The following RAP1GAP2 variants were observed in gnomAD, a reference collection of about 807,000 sequenced individuals.
RAP1GAP2 encodes rap1 GTPase-activating protein 2.
A neutral mutation model predicts 95.0 loss-of-function variants in RAP1GAP2; 27 were observed. The observed-to-expected ratio is 0.28, with a 90% CI of 0.21 to 0.39. RAP1GAP2 has a LOEUF of 0.39. Among genes scored for constraint, RAP1GAP2 ranks in the 10% least tolerant of loss-of-function variants. The pLI, the probability that RAP1GAP2 is intolerant of heterozygous loss-of-function variation, is 1.00. For missense variants in RAP1GAP2, 771 were observed against 970.0 expected, an observed-to-expected ratio of 0.79 and a Z score of 2.72; for synonymous variants, 373 against 380.9, an observed-to-expected ratio of 0.98 and a Z score of 0.24.
At chr17:2,891,805 A>ATTT (rs2073725149) in intron 2 of RAP1GAP2, among the ~76,000 whole-genome samples, 1 of 63,214 alleles carries the variant, frequency 1.6e-5, no homozygotes, top group South Asian at 4.5e-4. Flanking sequence ...GCAGATTCAT[A>ATTT]TTTCTTTTCT....
chr17:3,036,825 C>G lies in RAP1GAP2; in HGVS notation c.*3464C>G, dbSNP rs77400506. ...GACAAGGCAGGACAAGAGCCTGTTTCGCTTTCCTCCCTGACCCTGCCAGGT... is the reference window on the plus strand; with the variant it reads ...GACAAGGCAGGACAAGAGCCTGTTTGGCTTTCCTCCCTGACCCTGCCAGGT... On this transcript the variant is annotated 3_prime_UTR_variant, in exon 25 of 25. Transcript: ENST00000254695. The G allele has an allele frequency of 1.3e-5, 2 of 152,630 alleles. No homozygotes were observed. The highest frequency in any genetic ancestry group is 2.9e-5 in the Non-Finnish European group (2 of 68,042). 9.5% of individuals were successfully genotyped at this position (152,630 alleles called of 1,614,324 possible).
chr17:2,829,403 G>A (rs1410891945), intron 2 of RAP1GAP2, among the ~76,000 whole-genome samples: 4 of 152,018 alleles, frequency 2.6e-5, no homozygotes, highest in Non-Finnish European at 4.4e-5. Flanking sequence ...TCCATAAAGG[G>A]CTGGGGCTGG....
At position 2,995,458 on chromosome 17, in the gene RAP1GAP2, G is replaced by A. The variant is rs376964895; in HGVS notation, c.1036G>A (p.Ala346Thr). ...AAAGCTGCCATTTACCGACGGAGAC[G>A]CCCAGCAGGTAACCTGGTTTGGGAG... ...STKLPFTDGD[A>T]QQLQRKRHIG... is the part of the protein sequence containing the mutation. Residue 346 changes from alanine (A) to threonine (T), a missense_variant, in exon 13 of 25, where the codon GCC becomes ACC. By Grantham distance (58) the Ala-to-Thr change is moderately conservative (BLOSUM62 0). Transcript: ENST00000254695. The A allele has an allele frequency of 9.3e-6, 15 of 1,613,550 alleles. 1 individual carries two copies. Among genetic ancestry groups the A allele is most frequent in the South Asian group, 4.4e-5 (4 of 91,078 alleles).
chr17:2,841,013 G>A lies in RAP1GAP2; in HGVS notation c.80+40463G>A, dbSNP rs117019188. On this transcript the variant is annotated intron_variant, in intron 2 of 24. Coordinates refer to ENST00000254695, the MANE Select transcript of RAP1GAP2 (RefSeq NM_015085.5). ...ACCCTGTTTAAAAAATAAAAAGACC[G>A]GTGTGGTGGCTCACGCCTGTAATTC... Among the ~76,000 whole-genome samples the A allele has an allele frequency of 1.4e-3, 215 of 149,308 alleles. 2 individuals carry two copies. The East Asian group carries it at 0.02, about 14-fold the overall frequency.
intron 19 of RAP1GAP2, among the ~76,000 whole-genome samples, chr17:3,023,624 A>G (rs528394662): frequency 2.0e-5 from 3 of 152,174 alleles, no homozygotes; most frequent in African/African-American, 7.2e-5. Context: ...GTTTTTAAAA[A>G]TTTTTATTTT....
intron 4 of RAP1GAP2, among the ~76,000 whole-genome samples, chr17:2,958,169 G>A (rs775775785): frequency 6.6e-5 from 10 of 152,248 alleles, no homozygotes; most frequent in Middle Eastern, 3.4e-3. Context: ...GGAGGCAGAG[G>A]GGTGGGGTGG....
chr17:2,853,212 A>G (rs2071955104), intron 2 of RAP1GAP2, among the ~76,000 whole-genome samples: 1 of 151,588 alleles, frequency 6.6e-6, no homozygotes, highest in Non-Finnish European at 1.5e-5. Flanking sequence ...TCCCATCCGC[A>G]AGCTCCCACC....
At chr17:2,996,278 G>A (rs969861240) in intron 13 of RAP1GAP2, among the ~76,000 whole-genome samples, 1 of 152,152 alleles carries the variant, frequency 6.6e-6, no homozygotes, top group Non-Finnish European at 1.5e-5. Flanking sequence ...TTGCTGCTCT[G>A]ACAGCCGTGC....
At chr17:2,982,417 G>A (rs1343828978) in intron 10 of RAP1GAP2, among the ~76,000 whole-genome samples, 1 of 152,184 alleles carries the variant, frequency 6.6e-6, no homozygotes, top group Non-Finnish European at 1.5e-5. Flanking sequence ...GATTACAGGC[G>A]TGAGCCACCT....
At position 3,005,776 on chromosome 17, in the gene RAP1GAP2, G is replaced by A. The variant is rs1042831787; in HGVS notation, c.1273-179G>A. 6.6e-6 allele frequency among the ~76,000 whole-genome samples: 1 copy of A among 152,184 alleles called. No individual in the cohort carries two copies. Among genetic ancestry groups the A allele is most frequent in the Non-Finnish European group, 1.5e-5 (1 of 68,036 alleles). ...TGGCTTCCCAGGACCAGGGAAGCGG[G>A]TTTCCTTGTTGGGATATTTGCAAGT... On this transcript the variant is annotated intron_variant, in intron 15 of 24. Transcript: ENST00000254695. This position sits in a 1 kb window ranked among gnomAD's most constrained non-coding sequence, Gnocchi z 5.2.
chr17:2,962,582 T>C, intron 4 of RAP1GAP2, 88 bp from the exon 5 acceptor site: 1 of 1,366,014 alleles, frequency 7.3e-7, no homozygotes, highest in East Asian at 2.5e-5. Context: ...CTCCTGTTAC[T>C]AACCCCCTGT....
chr17:2,993,212 A>G (rs1449850492), intron 12 of RAP1GAP2, among the ~76,000 whole-genome samples: 5 of 146,142 alleles, frequency 3.4e-5, no homozygotes, highest in African/African-American at 1.0e-4. Flanking sequence ...ATAGAGGGAG[A>G]CTCTGTCAAA....
At chr17:3,015,259 GC>G (rs2046718264) in intron 17 of RAP1GAP2, among the ~76,000 whole-genome samples, 1 of 152,146 alleles carries the variant, frequency 6.6e-6, no homozygotes, top group Non-Finnish European at 1.5e-5. Flanking sequence ...GATAAGAGAT[GC>G]CCGATCAAAT....
At chr17:2,837,520 T>G (rs1410481647) in intron 2 of RAP1GAP2, among the ~76,000 whole-genome samples, 1 of 152,002 alleles carries the variant, frequency 6.6e-6, no homozygotes, top group African/African-American at 2.4e-5. Context: ...CAGCTCCTCG[T>G]TTCCTGGGGC....
chr17:2,802,574 G>A lies in RAP1GAP2; in HGVS notation c.80+2024G>A, dbSNP rs559797660. 6.6e-5 allele frequency among the ~76,000 whole-genome samples: 10 copies of A among 152,286 alleles called. No individual in the cohort carries two copies. In the East Asian group the frequency reaches 9.7e-4, roughly 15 times the overall value. The stretch of plus-strand genomic sequence containing the variant: ...AAAATAAAAAAAATTAGCTGGGCGC[G>A]GTGGCGGGCACCTGTAATCCCAGCT... On this transcript the variant is annotated intron_variant, in intron 2 of 24. Coordinates refer to ENST00000254695, the MANE Select transcript of RAP1GAP2 (RefSeq NM_015085.5).
intron 2 of RAP1GAP2, among the ~76,000 whole-genome samples, chr17:2,873,473 TCAAA>T (rs2072938338): frequency 3.5e-5 from 1 of 28,532 alleles, no homozygotes; most frequent in African/African-American, 1.7e-4. Context: ...AGACCCTGTC[TCAAA>T]AAAAAAAAAA....
chr17:2,948,744 C>A (rs57290765), intron 3 of RAP1GAP2, among the ~76,000 whole-genome samples: 20,794 of 131,330 alleles, frequency 0.16, 1,563 homozygotes, highest in East Asian at 0.21. Context: ...GAACAGGTGG[C>A]TGCCTGTCTG....
chr17:2,772,698 C>G (rs1281815811), upstream of RAP1GAP2, among the ~76,000 whole-genome samples: 1 of 151,938 alleles, frequency 6.6e-6, no homozygotes, highest in Non-Finnish European at 1.5e-5. Flanking sequence ...CTATTGTTGT[C>G]CTTGTTTTTC....
chr17:2,906,765 G>A lies in RAP1GAP2; in HGVS notation c.165+1397G>A, dbSNP rs2042210554. On this transcript the variant is annotated intron_variant, in intron 3 of 24. Transcript: ENST00000254695. This position sits in a 1 kb window ranked among gnomAD's most constrained non-coding sequence, Gnocchi z 4.3. The stretch of plus-strand genomic sequence containing the variant: ...AGGGAGAAGTCTGACAGTCTCCTAG[G>A]AGGAGTCCCTGAATTCTCTTGGCAG... Among the ~76,000 whole-genome samples, 1 of 152,084 alleles carries A rather than the reference G, an allele frequency of 6.6e-6. No homozygotes were observed. The highest frequency in any genetic ancestry group is 1.5e-5 in the Non-Finnish European group (1 of 68,018).
Sources: allele counts gnomAD v4.1 joint callset (sites outside exome capture counted in the v4.1 genomes callset), GRCh38; gene constraint gnomAD v4.1.1; non-coding constraint Gnocchi (gnomAD v3.1); transcripts MANE v1.5; gene names NCBI Gene and HGNC (gene_info 2026-07-23, HGNC 2026-07-21).